RNLS: variants seen among roughly 807,000 people sequenced by gnomAD.
The protein encoded by RNLS is renalase.
A neutral mutation model predicts 39.8 loss-of-function variants in RNLS; 39 were observed. That is an observed-to-expected ratio of 0.98 (90% CI 0.76 to 1.28). The LOEUF is 1.28. Ranked by LOEUF, RNLS falls within the 50% of genes most tolerant of loss-of-function variation. RNLS has a pLI of 0.00. For synonymous variants in RNLS, 147 were observed against 150.7 expected (o/e 0.98, Z 0.18); for missense variants, 410 against 413.3 (o/e 0.99, Z 0.07).
chr10:88,377,903 T>G (rs1052393013), intron 4 of RNLS, among the ~76,000 whole-genome samples: 2 of 152,208 alleles, frequency 1.3e-5, no homozygotes, highest in African/African-American at 4.8e-5. Flanking sequence ...ACACTTAGCT[T>G]AAAACACACA....
At chr10:88,279,479 A>G (rs1224015373), downstream of RNLS, among the ~76,000 whole-genome samples, 2 of 152,194 alleles carry the variant, frequency 1.3e-5, no homozygotes, top group African/African-American at 2.4e-5. Flanking sequence ...GGCTCGAGAC[A>G]GAGACAAAGG....
chr10:88,417,535 A>G (rs1451433151), intron 4 of RNLS, among the ~76,000 whole-genome samples: 1 of 152,204 alleles, frequency 6.6e-6, no homozygotes, highest in Non-Finnish European at 1.5e-5. Context: ...AAAATGGTAT[A>G]ACAGTGTGAA....
At chr10:88,303,381 A>T (rs554513749) in intron 6 of RNLS, among the ~76,000 whole-genome samples, 100 of 152,302 alleles carry the variant, frequency 6.6e-4, no homozygotes, top group African/African-American at 2.2e-3. Flanking sequence ...TGCCCATTAG[A>T]TGGGGCTATG....
intron 4 of RNLS, among the ~76,000 whole-genome samples, chr10:88,380,699 T>C (rs187520355): frequency 6.6e-6 from 1 of 152,260 alleles, no homozygotes; most frequent in East Asian, 1.9e-4. Flanking sequence ...TGTGTCTTTT[T>C]TAGAAAAAGG....
intron 4 of RNLS, among the ~76,000 whole-genome samples, chr10:88,402,968 C>A (rs1225546017): frequency 2.0e-5 from 3 of 151,982 alleles, no homozygotes; most frequent in Non-Finnish European, 4.4e-5. Context: ...TAGAATAATA[C>A]AATACTATAA....
intron 3 of RNLS, among the ~76,000 whole-genome samples, chr10:88,579,228 C>T (rs1184009989): frequency 6.6e-6 from 1 of 152,142 alleles, no homozygotes; most frequent in African/African-American, 2.4e-5. Flanking sequence ...TGTCTAGATT[C>T]TTCTTGTCCT....
At chr10:88,531,513 C>T (rs1364957303) in intron 4 of RNLS, among the ~76,000 whole-genome samples, 1 of 152,026 alleles carries the variant, frequency 6.6e-6, no homozygotes, top group Non-Finnish European at 1.5e-5. Context: ...AGGCAAAGTG[C>T]TTTTTTCCTG....
chr10:88,206,716 G>T, the RNLS span, among the ~76,000 whole-genome samples: 1 of 152,062 alleles, frequency 6.6e-6, no homozygotes, highest in African/African-American at 2.4e-5. Flanking sequence ...TTCATCTCCC[G>T]AGAACTCCAA....
At chr10:88,355,146 G>A (rs555197608) in intron 5 of RNLS, among the ~76,000 whole-genome samples, 15 of 151,940 alleles carry the variant, frequency 9.9e-5, no homozygotes, top group Non-Finnish European at 1.6e-4. Context: ...TAACTTCTTC[G>A]CCATGGGTTA....
intron 4 of RNLS, among the ~76,000 whole-genome samples, chr10:88,508,577 A>G (rs1248872815): frequency 6.6e-6 from 1 of 152,134 alleles, no homozygotes; most frequent in African/African-American, 2.4e-5. Context: ...GTTGTTAGTA[A>G]TGATGGTGGC....
At chr10:88,351,410 G>T (rs912050050) in intron 5 of RNLS, among the ~76,000 whole-genome samples, 1 of 152,114 alleles carries the variant, frequency 6.6e-6, no homozygotes, top group Non-Finnish European at 1.5e-5. Context: ...TTTTGTGTAC[G>T]GTGTAAGGAA....
chr10:88,178,667 T>C, the RNLS span, among the ~76,000 whole-genome samples: 215 of 152,320 alleles, frequency 1.4e-3, no homozygotes, highest in African/African-American at 5.0e-3. Flanking sequence ...TTTCCTTAGA[T>C]ATTCCATACA....
At chr10:88,348,799 G>A (rs1848484643) in intron 5 of RNLS, among the ~76,000 whole-genome samples, 1 of 152,126 alleles carries the variant, frequency 6.6e-6, no homozygotes, top group Non-Finnish European at 1.5e-5. Flanking sequence ...TTGGGTTAAT[G>A]TTGACAGAAG....
intron 6 of RNLS, among the ~76,000 whole-genome samples, chr10:88,311,199 A>C (rs1845354054): frequency 6.6e-6 from 1 of 152,246 alleles, no homozygotes; most frequent in Admixed American, 6.5e-5. Flanking sequence ...GAAGGGCATC[A>C]TGATAGACAC....
At chr10:88,335,611 C>G (rs138794388) in intron 5 of RNLS, among the ~76,000 whole-genome samples, 65 of 152,260 alleles carry the variant, frequency 4.3e-4, no homozygotes, top group African/African-American at 1.5e-3. Context: ...TAAGAGCTGC[C>G]TCATTAGCTA....
intron 6 of RNLS, among the ~76,000 whole-genome samples, chr10:88,275,894 C>A (rs1043452994): frequency 6.6e-6 from 1 of 151,156 alleles, no homozygotes; most frequent in Non-Finnish European, 1.5e-5. Context: ...ATTAGAACAA[C>A]AACAAAAAAA....
intron 4 of RNLS, among the ~76,000 whole-genome samples, chr10:88,421,400 T>C (rs939210669): frequency 2.0e-5 from 3 of 152,230 alleles, no homozygotes; most frequent in Admixed American, 2.0e-4. Context: ...AACATATTGC[T>C]GTTTACCCAA....
At chr10:88,466,466 G>A (rs1217906333) in intron 4 of RNLS, among the ~76,000 whole-genome samples, 1 of 152,108 alleles carries the variant, frequency 6.6e-6, no homozygotes, top group Admixed American at 6.6e-5. Context: ...TGTTAACATA[G>A]ACATATGACA....
chr10:88,225,217 G>A, the RNLS span, among the ~76,000 whole-genome samples: 1 of 152,164 alleles, frequency 6.6e-6, no homozygotes, highest in Non-Finnish European at 1.5e-5. Flanking sequence ...ACATACAGCT[G>A]CCAAAAGACA....
Sources: allele counts gnomAD v4.1 joint callset (sites outside exome capture counted in the v4.1 genomes callset), GRCh38; gene constraint gnomAD v4.1.1; transcripts MANE v1.5; gene names NCBI Gene and HGNC (gene_info 2026-07-23, HGNC 2026-07-21).